Variants in SSH2 observed in about 807,000 individuals in gnomAD.
SSH2 encodes the protein protein phosphatase Slingshot homolog 2.
Under a neutral mutation model 135.2 loss-of-function variants are expected in SSH2, and 37 were observed. The ratio of observed to expected loss-of-function variants is 0.27; its 90% CI spans 0.21 to 0.36. The LOEUF (loss-of-function observed/expected upper bound fraction) is 0.36, where lower values mean the gene tolerates loss of function less well. Ranked by LOEUF, SSH2 falls within the 10% of genes least tolerant of loss-of-function variation. SSH2 has a pLI of 1.00. For synonymous variants in SSH2, 628 were observed against 646.2 expected (o/e 0.97, Z 0.43); for missense variants, 1,408 against 1,765.3 (o/e 0.80, Z 3.63).
At chr17:29,913,973 T>C (rs979142159) in intron 1 of SSH2, among the ~76,000 whole-genome samples, 1 of 152,074 alleles carries the variant, frequency 6.6e-6, no homozygotes, top group African/African-American at 2.4e-5. Flanking sequence ...CAAGGCAATA[T>C]AAAACCACAG....
At chr17:29,673,795 C>T (rs773061208) in intron 8 of SSH2, 2 of 294,192 alleles carry the variant, frequency 6.8e-6, no homozygotes, top group Non-Finnish European at 1.4e-5. Context: ...CTATAACTTG[C>T]TCTTTTGCTT....
chr17:29,649,579 A>G (rs3110494), intron 13 of SSH2, among the ~76,000 whole-genome samples: 84,495 of 151,684 alleles, frequency 0.56, 23,949 homozygotes, highest in East Asian at 0.71. Context: ...TTTTTGTAGA[A>G]ATAGGAGTCT....
At chr17:29,718,999 C>A (rs2039724793) in intron 3 of SSH2, among the ~76,000 whole-genome samples, 1 of 152,104 alleles carries the variant, frequency 6.6e-6, no homozygotes, top group Non-Finnish European at 1.5e-5. Flanking sequence ...ATAATTTCTG[C>A]AACATTATAC....
chr17:29,818,389 C>T (rs1276391647), intron 2 of SSH2, among the ~76,000 whole-genome samples: 1 of 151,864 alleles, frequency 6.6e-6, no homozygotes, highest in Non-Finnish European at 1.5e-5. Context: ...GCTGGGACTA[C>T]AGGTGCCTGC....
At position 29,770,476 on chromosome 17, in the gene SSH2, CT is replaced by C. The variant is rs766027039; in HGVS notation, c.188+23417del. ...ATTCTCTTTTTTTATAATTAAGTCACTTTTTTTTTTTTTCAAAATGGAGTCT... is the reference window on the plus strand; with the variant it reads ...ATTCTCTTTTTTTATAATTAAGTCACTTTTTTTTTTTTCAAAATGGAGTCT... On this transcript the variant is annotated intron_variant, in intron 3 of 15. Coordinates refer to ENST00000540801, the MANE Select transcript of SSH2 (RefSeq NM_001282129.2). Among the ~76,000 whole-genome samples the C allele has an allele frequency of 1.9e-3, 269 of 140,088 alleles. 1 individual carries two copies. Among genetic ancestry groups the C allele is most frequent in the Middle Eastern group, 4.1e-3 (1 of 244 alleles). 91.9% of individuals were successfully genotyped at this position (140,088 alleles called of 152,430 possible). A position where few individuals can be genotyped will look rare whatever the true frequency, so the allele number is the denominator to read the frequency against.
intron 3 of SSH2, among the ~76,000 whole-genome samples, chr17:29,775,042 T>G (rs2041668263): frequency 6.6e-6 from 1 of 152,158 alleles, no homozygotes; most frequent in African/African-American, 2.4e-5. Context: ...GAGTTAAGTT[T>G]ATGATTATGA....
At chr17:29,849,419 C>T (rs1293746520) in intron 1 of SSH2, among the ~76,000 whole-genome samples, 1 of 143,000 alleles carries the variant, frequency 7.0e-6, no homozygotes, top group Non-Finnish European at 1.5e-5. Flanking sequence ...GCTGAGCTTG[C>T]AGTGAGCCGA....
intron 1 of SSH2, among the ~76,000 whole-genome samples, chr17:29,862,554 A>T (rs1599108751): frequency 6.6e-6 from 1 of 152,320 alleles, no homozygotes; most frequent in East Asian, 1.9e-4. Context: ...TCCTACTGGA[A>T]GAGCCGTTAC....
intron 1 of SSH2, among the ~76,000 whole-genome samples, chr17:29,892,624 A>T (rs1345241411): frequency 2.0e-5 from 3 of 150,262 alleles, no homozygotes; most frequent in Admixed American, 6.7e-5. Flanking sequence ...ACTAGCTTAA[A>T]TTTTTTTTTT....
chr17:29,676,154 T>C (rs1284220949), intron 8 of SSH2: 1 of 151,992 alleles, frequency 6.6e-6, no homozygotes, highest in East Asian at 1.9e-4. Flanking sequence ...CCTTAGGAAA[T>C]AGCTAATGCA....
intron 3 of SSH2, among the ~76,000 whole-genome samples, chr17:29,720,623 A>C (rs2039791367): frequency 6.6e-6 from 1 of 152,124 alleles, no homozygotes; most frequent in South Asian, 2.1e-4. Context: ...TTAAATGCAT[A>C]TTACAGATCC....
chr17:29,849,683 T>C lies in SSH2; in HGVS notation c.64-754A>G, dbSNP rs932920880. On this transcript the variant is annotated intron_variant, in intron 1 of 15. Coordinates refer to ENST00000540801, the MANE Select transcript of SSH2 (RefSeq NM_001282129.2). ...ACTCTTAGCCTAGCCTCATTAGCTCTCTGCTGCCAAGTGTTCATATGAGCC... is the reference window on the plus strand; with the variant it reads ...ACTCTTAGCCTAGCCTCATTAGCTCCCTGCTGCCAAGTGTTCATATGAGCC... 4.0e-5 allele frequency among the ~76,000 whole-genome samples: 6 copies of C among 150,918 alleles called. No individual in the cohort carries two copies. In the South Asian group the frequency reaches 1.3e-3, roughly 32 times the overall value.
At chr17:29,801,623 C>A (rs181974728) in intron 2 of SSH2, among the ~76,000 whole-genome samples, 137 of 152,298 alleles carry the variant, frequency 9.0e-4, no homozygotes, top group Non-Finnish European at 1.5e-3. Context: ...ATCATTTTTG[C>A]GACACTACCA....
intron 1 of SSH2, among the ~76,000 whole-genome samples, chr17:29,900,620 C>G (rs556935594): frequency 4.5e-4 from 69 of 151,892 alleles, no homozygotes; most frequent in Non-Finnish European, 6.9e-4. Flanking sequence ...ATTAAAAAGT[C>G]AGGAAACAAC....
intron 14 of SSH2, among the ~76,000 whole-genome samples, chr17:29,644,589 A>G (rs1414971738): frequency 3.9e-5 from 6 of 152,104 alleles, no homozygotes; most frequent in Admixed American, 3.3e-4. Context: ...CAGGCAGATC[A>G]CGAGGTCAAG....
chr17:29,703,213 C>T, intron 3 of SSH2, 151 bp from the exon 4 acceptor site: 1 of 618,828 alleles, frequency 1.6e-6, no homozygotes, highest in Non-Finnish European at 2.9e-6. Context: ...GCTGTGGTTA[C>T]TCACTCATAC....
At chr17:29,734,611 C>T (rs760027109) in intron 3 of SSH2, among the ~76,000 whole-genome samples, 4 of 152,182 alleles carry the variant, frequency 2.6e-5, no homozygotes, top group Admixed American at 1.3e-4. Flanking sequence ...TATTGCCTCT[C>T]GAACTTTTTC....
chr17:29,813,219 C>G (rs1307603921), intron 2 of SSH2, among the ~76,000 whole-genome samples: 1 of 151,682 alleles, frequency 6.6e-6, no homozygotes, highest in Admixed American at 6.6e-5. Context: ...CCCATCTCTA[C>G]TAAAAATACA....
At chr17:29,714,568 C>T (rs2039549185) in intron 3 of SSH2, among the ~76,000 whole-genome samples, 1 of 152,074 alleles carries the variant, frequency 6.6e-6, no homozygotes, top group African/African-American at 2.4e-5. Flanking sequence ...AATCTTCTTT[C>T]CCCAATTCCC....
Sources: allele counts gnomAD v4.1 joint callset (sites outside exome capture counted in the v4.1 genomes callset), GRCh38; gene constraint gnomAD v4.1.1; transcripts MANE v1.5; gene names NCBI Gene and HGNC (gene_info 2026-07-23, HGNC 2026-07-21).